CIITA: variants seen among roughly 807,000 people sequenced by gnomAD.
CIITA encodes the protein MHC class II transactivator.
CIITA carries 72 observed loss-of-function variants against 115.1 expected under a neutral mutation model. The observed-to-expected ratio is 0.63, with a 90% CI of 0.52 to 0.76. CIITA has a LOEUF of 0.76. Ranked by LOEUF, CIITA falls within the 30% of genes least tolerant of loss-of-function variation. CIITA has a pLI of 0.00. For missense variants in CIITA, 1,617 were observed against 1,463.8 expected, an observed-to-expected ratio of 1.10 and a Z score of -1.71; for synonymous variants, 763 against 635.6, an observed-to-expected ratio of 1.20 and a Z score of -3.02.
At chr16:10,893,022 T>C (rs1202847642) in intron 1 of CIITA, among the ~76,000 whole-genome samples, 1 of 152,146 alleles carries the variant, frequency 6.6e-6, no homozygotes, top group African/African-American at 2.4e-5. Context: ...AGTGTCTTTA[T>C]AAGAGAAAGA....
At chr16:10,872,737 C>G (rs1305958935), upstream of CIITA, among the ~76,000 whole-genome samples, 1 of 152,226 alleles carries the variant, frequency 6.6e-6, no homozygotes, top group Non-Finnish European at 1.5e-5. Flanking sequence ...CTTTCTCTCC[C>G]TTTCTTGCCT....
In CIITA at chr16:10,918,425, A is replaced by C. The variant is rs2040079836; in HGVS notation, c.3063-15A>C. The stretch of plus-strand genomic sequence containing the variant: ...AGTTTGGTCCTGAGCCCTCCCCCTC[A>C]CTGTGTCCCCGCAGTCTGTCCCAGA... On this transcript the variant is annotated splice_polypyrimidine_tract_variant and intron_variant, in intron 15 of 19. Coordinates refer to ENST00000324288, the MANE Select transcript of CIITA (RefSeq NM_000246.4). 6.2e-7 allele frequency: 1 copy of C among 1,612,758 alleles called. No individual in the cohort carries two copies. The highest frequency in any genetic ancestry group is 1.7e-5 in the Admixed American group (1 of 59,988).
chr16:10,921,545 C>T (rs966016373), intron 16 of CIITA, among the ~76,000 whole-genome samples: 1 of 152,200 alleles, frequency 6.6e-6, no homozygotes, highest in Admixed American at 6.5e-5. Flanking sequence ...TTCATTTACT[C>T]CTCCCCACAA....
rs1251931846 is a variant in CIITA at position 10,932,320 on chromosome 16, C to G, written c.*8465C>G. On this transcript the variant is annotated 3_prime_UTR_variant, in exon 20 of 20. Transcript: ENST00000324288. ...GCATTTACTTTGTGTTCACCTTGTA[C>G]TACTCGAACTCATGTCTTAACTCAC... is the stretch of plus-strand genomic sequence containing the variant. 1 of 152,260 alleles carries G rather than the reference C, an allele frequency of 6.6e-6. No individual in the cohort carries two copies. Among genetic ancestry groups the G allele is most frequent in the Non-Finnish European group, 1.5e-5 (1 of 68,054 alleles). The allele number at this position is 152,260 out of a possible 1,614,324, so 9.4% of individuals were successfully genotyped here.
Position 10,877,245 on chromosome 16 carries a change from A to G in CIITA, c.-86A>G. ...GAGGCTGTGTGCTTCTGAGCTGGGC[A>G]TCCGAAGGCATCCTTGGGGAAGCTG... On this transcript the variant is annotated 5_prime_UTR_variant, in exon 1 of 20. Coordinates refer to ENST00000324288, the MANE Select transcript of CIITA (RefSeq NM_000246.4). 8.1e-7 allele frequency: 1 copy of G among 1,234,476 alleles called. No individual in the cohort carries two copies. The highest frequency in any genetic ancestry group is 1.2e-6 in the Non-Finnish European group (1 of 853,592). The allele number at this position is 1,234,476 out of a possible 1,614,324, so 76.5% of individuals were successfully genotyped here.
rs377722192 is a variant in CIITA, at chr16:10,922,067, A to G, written c.3150-100A>G. On this transcript the variant is annotated intron_variant, in intron 16 of 19. Coordinates refer to ENST00000324288, the MANE Select transcript of CIITA (RefSeq NM_000246.4). The stretch of plus-strand genomic sequence containing the variant: ...AATATTGATTCCTTCCCCCAGGGAT[A>G]GTGGGACCAGGCTTTTTCTGGAATC... The G allele has an allele frequency of 9.7e-5, 100 of 1,036,152 alleles. 1 individual carries two copies. In the South Asian group the frequency reaches 1.2e-3, roughly 13 times the overall value. 64.2% of individuals were successfully genotyped at this position (1,036,152 alleles called of 1,614,324 possible).
chr16:10,898,709 A>AG lies in CIITA; in HGVS notation c.338dup (p.Leu114ProfsTer13), dbSNP rs1596513253. On this transcript the variant is annotated frameshift_variant, in exon 4 of 20. Transcript: ENST00000324288. LOFTEE classifies it high-confidence loss of function. ...TATGTCTTCCAGGACTCCCAGCTGG[A>AG]GGGCCTGAGCAAGGACATTTTCAGT... 6.2e-7 allele frequency: 1 copy of AG among 1,611,938 alleles called. No individual in the cohort carries two copies. Among genetic ancestry groups the AG allele is most frequent in the Non-Finnish European group, 8.5e-7 (1 of 1,179,180 alleles).
rs529168838 is a variant in CIITA at position 10,867,915 on chromosome 16, C to T, written c.-21+1596C>T. Among the ~76,000 whole-genome samples the T allele has an allele frequency of 1.2e-4, 18 of 152,082 alleles. No homozygotes were observed. In the South Asian group the frequency reaches 1.2e-3, roughly 11 times the overall value. ...GGACTACAGGCATGCACCACTATGCCTGGCTAATTTTTTTTTAATTATTTT... is the reference window on the plus strand; with the variant it reads ...GGACTACAGGCATGCACCACTATGCTTGGCTAATTTTTTTTTAATTATTTT... On this transcript the variant is annotated intron_variant, in intron 1 of 5. Coordinates refer to the CIITA transcript ENST00000636238.
chr16:10,902,077 G>A lies in CIITA; in HGVS notation c.521G>A (p.Gly174Glu). 1 of 1,614,132 alleles carries A rather than the reference G, an allele frequency of 6.2e-7. No homozygotes were observed. The highest frequency in any genetic ancestry group is 8.5e-7 in the Non-Finnish European group (1 of 1,180,016). ...PTVVTGSLLV[G>E]PVSDCSTLPC... is the part of the protein sequence containing the mutation. ...GTGGTGACTGGCAGTCTCCTAGTGG[G>A]ACCAGTGAGCGACTGCTCCACCCTG... is the stretch of plus-strand genomic sequence containing the variant. The change falls in exon 7 of 20, where the codon GGA (glycine) becomes GAA (glutamate). Residue 174 changes from glycine to glutamate, a missense_variant. Coordinates refer to ENST00000324288, the MANE Select transcript of CIITA (RefSeq NM_000246.4).
chr16:10,867,436 G>C (rs532996120), intron 1 of CIITA, among the ~76,000 whole-genome samples: 187 of 151,614 alleles, frequency 1.2e-3, no homozygotes, highest in African/African-American at 4.3e-3. Context: ...AAGGAAGGGA[G>C]AGAAAGACAG....
At position 10,901,930 on chromosome 16, in the gene CIITA, C is replaced by T; in HGVS notation, c.482-108C>T. 6.8e-7 allele frequency: 1 copy of T among 1,462,158 alleles called. No homozygotes were observed. Among genetic ancestry groups the T allele is most frequent in the Non-Finnish European group, 9.5e-7 (1 of 1,053,924 alleles). The allele number at this position is 1,462,158 out of a possible 1,614,324, so 90.6% of individuals were successfully genotyped here. A position where few individuals can be genotyped will look rare whatever the true frequency, so the allele number is the denominator to read the frequency against. ...GCTGCAGCCAGGGCTGAGAAGATGACAAGCATTTCCTCTGTCAGGAGAGAC... is the reference window on the plus strand; with the variant it reads ...GCTGCAGCCAGGGCTGAGAAGATGATAAGCATTTCCTCTGTCAGGAGAGAC... On this transcript the variant is annotated intron_variant, in intron 6 of 19. Transcript: ENST00000324288. The surrounding 1 kb of genome is among the most constrained non-coding windows in gnomAD (Gnocchi z 6.8).
Position 10,902,155 on chromosome 16 carries a change from T to C in CIITA, c.599T>C (p.Met200Thr). 6.2e-7 allele frequency: 1 copy of C among 1,614,116 alleles called. No homozygotes were observed. The highest frequency in any genetic ancestry group is 2.2e-5 in the East Asian group (1 of 44,860). ...LFNQEPASGQ[M>T]RLEKTDQIPM... ...AACCAGGAGCCAGCCTCCGGCCAGA[T>C]GCGCCTGGAGAAAACCGACCAGATT... is the stretch of plus-strand genomic sequence containing the variant. The change falls in exon 7 of 20, where the codon ATG becomes ACG. Residue 200 changes from methionine (M) to threonine (T), a missense_variant. Transcript: ENST00000324288.
In CIITA at chr16:10,932,961, G is replaced by A. The variant is rs936909350; in HGVS notation, c.*9106G>A. 8 of 152,108 alleles carry A rather than the reference G, an allele frequency of 5.3e-5. No homozygotes were observed. Among genetic ancestry groups the A allele is most frequent in the East Asian group, 3.9e-4 (2 of 5,190 alleles). 9.4% of individuals were successfully genotyped at this position (152,108 alleles called of 1,614,324 possible). On this transcript the variant is annotated 3_prime_UTR_variant, in exon 20 of 20. Transcript: ENST00000324288. ...TCTGTGTTGGGCCACAGTCAAAGCC[G>A]TCCTGAGCTGTATGCAGCCTACAGG...
At position 10,906,946 on chromosome 16, in the gene CIITA, G is replaced by C. The variant is rs1391276359; in HGVS notation, c.1454G>C (p.Ser485Thr). ...QPLVAADEVF[S>T]HILKRPDRVL... ...CTCGTGGCGGCCGATGAGGTTTTCA[G>C]CCACATCTTGAAGAGACCTGACCGC... Residue 485 changes from serine to threonine, a missense_variant, in exon 11 of 20, where the codon AGC becomes ACC. Physicochemically the swap from Ser to Thr is moderately conservative, Grantham distance 58. Transcript: ENST00000324288. The C allele has an allele frequency of 1.2e-6, 2 of 1,613,068 alleles. No homozygotes were observed. Among genetic ancestry groups the C allele is most frequent in the East Asian group, 2.2e-5 (1 of 44,878 alleles).
At position 10,906,565 on chromosome 16, in the gene CIITA, G is replaced by C. The variant is rs776145930; in HGVS notation, c.1073G>C (p.Gly358Ala). Residue 358 changes from glycine (G) to alanine (A), a missense_variant, in exon 11 of 20, where the codon GGC (glycine) becomes GCC (alanine). Transcript: ENST00000324288. ...TYGAEPAGPD[G>A]ILVEVDLVQA... The stretch of plus-strand genomic sequence containing the variant: ...GGTGCCGAGCCCGCAGGCCCGGATG[G>C]CATCCTAGTGGAGGTGGATCTGGTG... 1 of 1,613,338 alleles carries C rather than the reference G, an allele frequency of 6.2e-7. No homozygotes were observed. Among genetic ancestry groups the C allele is most frequent in the Admixed American group, 1.7e-5 (1 of 60,036 alleles).
chr16:10,937,976 C>G (rs983068701), downstream of CIITA: 1 of 152,274 alleles, frequency 6.6e-6, no homozygotes, highest in African/African-American at 2.4e-5. The surrounding 1 kb of genome is among the most constrained non-coding windows in gnomAD (Gnocchi z 4.2). Flanking sequence ...CTCAGGCAGC[C>G]TGTCCTCTTC....
intron 16 of CIITA, among the ~76,000 whole-genome samples, chr16:10,919,751 G>A (rs1249254913): frequency 1.3e-5 from 2 of 152,082 alleles, no homozygotes; most frequent in Admixed American, 1.3e-4. Context: ...AAACTCAGAA[G>A]CAAAAATAGA....
intron 11 of CIITA, chr16:10,908,469 A>T (rs1473762579): frequency 4.2e-6 from 2 of 477,328 alleles, no homozygotes; most frequent in Non-Finnish European, 7.7e-6. Context: ...TGAGCACGCC[A>T]CCGTTTTCTT....
In CIITA at chr16:10,901,477, T is replaced by C; in HGVS notation, c.437-37T>C. ...GAGCCCCTTCTGGCTTGGGACATCC[T>C]CTCCCTGGGGCAGCTGATCACATGT... On this transcript the variant is annotated intron_variant, in intron 5 of 19. Coordinates refer to ENST00000324288, the MANE Select transcript of CIITA (RefSeq NM_000246.4). The surrounding 1 kb of genome is among the most constrained non-coding windows in gnomAD (Gnocchi z 6.8). 6.2e-7 allele frequency: 1 copy of C among 1,613,326 alleles called. No homozygotes were observed. Among genetic ancestry groups the C allele is most frequent in the Non-Finnish European group, 8.5e-7 (1 of 1,179,464 alleles).
Sources: allele counts gnomAD v4.1 joint callset (sites outside exome capture counted in the v4.1 genomes callset), GRCh38; gene constraint gnomAD v4.1.1; non-coding constraint Gnocchi (gnomAD v3.1); transcripts MANE v1.5; gene names NCBI Gene and HGNC (gene_info 2026-07-23, HGNC 2026-07-21).